Variants in SCEL observed in about 807,000 individuals in gnomAD.
The protein encoded by SCEL is sciellin.
SCEL carries 113 observed loss-of-function variants against 117.6 expected under a neutral mutation model. The ratio of observed to expected loss-of-function variants is 0.96; its 90% CI spans 0.83 to 1.12. The LOEUF (loss-of-function observed/expected upper bound fraction) is 1.12. Ranked by LOEUF, SCEL falls within the 50% of genes most tolerant of loss-of-function variation. The probability of loss-of-function intolerance (pLI) is 0.00; values close to 1 mark genes in which losing one functional copy is unlikely to be tolerated. For missense variants in SCEL, 785 were observed against 810.8 expected (o/e 0.97, Z 0.39); for synonymous variants, 270 against 256.2 (o/e 1.05, Z -0.51).
chr13:77,639,620 A>G (rs2090465915), intron 30 of SCEL, among the ~76,000 whole-genome samples: 1 of 152,130 alleles, frequency 6.6e-6, no homozygotes, highest in African/African-American at 2.4e-5. Context: ...CACTGGTTTC[A>G]TGATAGTAGC....
At chr13:77,643,797 A>G (rs1387755677) in intron 32 of SCEL, among the ~76,000 whole-genome samples, 5 of 152,156 alleles carry the variant, frequency 3.3e-5, no homozygotes, top group African/African-American at 1.2e-4. Flanking sequence ...TTTGCCTTCT[A>G]TATTCTGCTT....
At chr13:77,551,908 T>C (rs889490164) in intron 1 of SCEL, among the ~76,000 whole-genome samples, 1 of 137,626 alleles carries the variant, frequency 7.3e-6, no homozygotes, top group African/African-American at 2.7e-5. Context: ...TGTGTTCTCA[T>C]TGTTCAATTC....
intron 4 of SCEL, among the ~76,000 whole-genome samples, chr13:77,562,670 A>G (rs563845908): frequency 6.6e-6 from 1 of 152,276 alleles, no homozygotes; most frequent in South Asian, 2.1e-4. Context: ...CTCTGTGTAG[A>G]TAGCAGCTAT....
rs992421224 is a variant in SCEL, at chr13:77,600,696, A to G, written c.917+948A>G. Among the ~76,000 whole-genome samples the G allele has an allele frequency of 2.6e-5, 4 of 152,244 alleles. No homozygotes were observed. In the South Asian group the frequency reaches 6.2e-4, roughly 24 times the overall value. ...ATTATTTTTCTTGTTGAAAGAAACC[A>G]AAGCCGTGACCATTTCACTAGAGAA... On this transcript the variant is annotated intron_variant, in intron 15 of 32. Transcript: ENST00000349847.
rs750330633 is a variant in SCEL at position 77,637,111 on chromosome 13, T to C, written c.1764-9T>C. 10 of 1,454,070 alleles carry C rather than the reference T, an allele frequency of 6.9e-6. No individual in the cohort carries two copies. The African/African-American group carries it at 8.6e-5, about 13-fold the overall frequency. The allele number at this position is 1,454,070 out of a possible 1,614,324, so 90.1% of individuals were successfully genotyped here. On this transcript the variant is annotated splice_polypyrimidine_tract_variant and intron_variant, in intron 29 of 32. Coordinates refer to ENST00000349847, the MANE Select transcript of SCEL (RefSeq NM_144777.3). ...CTGATTCTCACATGTCCATATATTT[T>C]GTTCCTAGTAAATCACCCAAGGATG...
At chr13:77,598,055 G>C (rs774265063) in intron 13 of SCEL, among the ~76,000 whole-genome samples, 5 of 152,138 alleles carry the variant, frequency 3.3e-5, no homozygotes, top group Non-Finnish European at 7.3e-5. Flanking sequence ...TTGACCTCCT[G>C]GCCGCTAGCC....
At chr13:77,633,355 G>C (rs1312466958) in intron 28 of SCEL, among the ~76,000 whole-genome samples, 1 of 146,262 alleles carries the variant, frequency 6.8e-6, no homozygotes, top group Non-Finnish European at 1.5e-5. Context: ...AGAATGGCGT[G>C]AACCCGGGAA....
At chr13:77,621,383 A>ACTC (rs1273126459) in intron 27 of SCEL, among the ~76,000 whole-genome samples, 16 of 150,930 alleles carry the variant, frequency 1.1e-4, no homozygotes, top group Non-Finnish European at 2.1e-4. Flanking sequence ...CATACTCCTC[A>ACTC]CTCCTCCTTC....
chr13:77,538,564 T>A (rs1423158799), intron 1 of SCEL, among the ~76,000 whole-genome samples: 1 of 152,214 alleles, frequency 6.6e-6, no homozygotes, highest in Non-Finnish European at 1.5e-5. Context: ...AAATGACAGC[T>A]ACACGTACTA....
In SCEL at chr13:77,565,969, C is replaced by G. The variant is rs573201803; in HGVS notation, c.291-1711C>G. 2.0e-5 allele frequency among the ~76,000 whole-genome samples: 3 copies of G among 152,150 alleles called. No homozygotes were observed. In the South Asian group the frequency reaches 6.2e-4, roughly 32 times the overall value. On this transcript the variant is annotated intron_variant, in intron 5 of 32. Transcript: ENST00000349847. ...CCAAGACAGATTTTTATTAAAACAA[C>G]CTATTTTATATCACAAGTTGACAGA...
At chr13:77,581,184 G>A (rs1022574309) in intron 9 of SCEL, among the ~76,000 whole-genome samples, 7 of 152,020 alleles carry the variant, frequency 4.6e-5, no homozygotes, top group Non-Finnish European at 7.4e-5. Flanking sequence ...TCTATGACAC[G>A]CAATAAAATA....
intron 13 of SCEL, among the ~76,000 whole-genome samples, 185 bp from the exon 14 acceptor site, chr13:77,599,144 T>C (rs1209923514): frequency 2.0e-5 from 3 of 152,218 alleles, no homozygotes; most frequent in Non-Finnish European, 4.4e-5. Flanking sequence ...TTTTATTTTG[T>C]TTTCTCTAAG....
At chr13:77,539,331 C>T (rs1593849492) in intron 1 of SCEL, among the ~76,000 whole-genome samples, 1 of 151,068 alleles carries the variant, frequency 6.6e-6, no homozygotes, top group South Asian at 2.1e-4. Flanking sequence ...TAAAATATGA[C>T]TCACAATAGC....
chr13:77,606,079 T>C (rs2088152116), intron 19 of SCEL, among the ~76,000 whole-genome samples: 1 of 152,240 alleles, frequency 6.6e-6, no homozygotes, highest in Non-Finnish European at 1.5e-5. Flanking sequence ...TGTGTATGCA[T>C]GCATACAAAT....
chr13:77,562,147 G>A (rs1430313048), intron 4 of SCEL, among the ~76,000 whole-genome samples: 2 of 152,244 alleles, frequency 1.3e-5, no homozygotes, highest in Middle Eastern at 3.4e-3. Context: ...CAAAGTCCCT[G>A]CTTCCACAGA....
At chr13:77,547,139 T>A (rs2084036176) in intron 1 of SCEL, among the ~76,000 whole-genome samples, 1 of 152,192 alleles carries the variant, frequency 6.6e-6, no homozygotes, top group African/African-American at 2.4e-5. Context: ...CAGATCATCA[T>A]GACTGGACCT....
chr13:77,558,259 G>A (rs192810522), intron 3 of SCEL, among the ~76,000 whole-genome samples: 17 of 152,318 alleles, frequency 1.1e-4, no homozygotes, highest in Admixed American at 1.1e-3. Context: ...TGGCATAGGA[G>A]CTACTGAATG....
At chr13:77,631,287 T>TA (rs1303086592) in intron 28 of SCEL, among the ~76,000 whole-genome samples, 2 of 152,246 alleles carry the variant, frequency 1.3e-5, no homozygotes, top group Non-Finnish European at 2.9e-5. Flanking sequence ...AAATTAGTCT[T>TA]ACAACTTATT....
rs2087746520 is a variant in SCEL, at chr13:77,602,061, A to T, written c.918-4A>T. On this transcript the variant is annotated splice_polypyrimidine_tract_variant and splice_region_variant and intron_variant, in intron 15 of 32. Coordinates refer to ENST00000349847, the MANE Select transcript of SCEL (RefSeq NM_144777.3). ...TCTCTTTCTTTTCCCCCAATGTTGT[A>T]AAGAATCCAAAGCCTTGGAAGTCCG... 1 of 1,606,384 alleles carries T rather than the reference A, an allele frequency of 6.2e-7. No individual in the cohort carries two copies. The highest frequency in any genetic ancestry group is 8.5e-7 in the Non-Finnish European group (1 of 1,177,362).
Sources: allele counts gnomAD v4.1 joint callset (sites outside exome capture counted in the v4.1 genomes callset), GRCh38; gene constraint gnomAD v4.1.1; transcripts MANE v1.5; gene names NCBI Gene and HGNC (gene_info 2026-07-23, HGNC 2026-07-21).